KCNT1: variants seen among roughly 807,000 people sequenced by gnomAD.
KCNT1 encodes the protein potassium sodium-activated channel subfamily T member 1, also known as potassium channel subfamily T member 1.
Under a neutral mutation model 147.8 loss-of-function variants are expected in KCNT1, and 78 were observed. The ratio of observed to expected loss-of-function variants is 0.53; its 90% CI spans 0.44 to 0.64. The LOEUF is 0.64. Among genes scored for constraint, KCNT1 ranks in the 30% least tolerant of loss-of-function variants. The probability of loss-of-function intolerance (pLI) is 0.00; values close to 1 mark genes in which losing one functional copy is unlikely to be tolerated. For missense variants in KCNT1, 1,419 were observed against 1,750.3 expected, an observed-to-expected ratio of 0.81 and a Z score of 3.38; for synonymous variants, 867 against 748.8, an observed-to-expected ratio of 1.16 and a Z score of -2.58.
chr9:135,759,466 G>A (rs932366146), intron 10 of KCNT1, among the ~76,000 whole-genome samples: 3 of 152,246 alleles, frequency 2.0e-5, no homozygotes, highest in Non-Finnish European at 2.9e-5. Flanking sequence ...GTCAGCCAGC[G>A]TCAGGCAGGA....
intron 20 of KCNT1, 54 bp from the exon 21 acceptor site, chr9:135,777,284 G>A: frequency 6.4e-7 from 1 of 1,571,292 alleles, no homozygotes; most frequent in South Asian, 1.2e-5. Flanking sequence ...GGCTCCAGTG[G>A]CCAGCAGGAA....
rs1006071912 is a variant in KCNT1, at chr9:135,714,489, T to A, written c.111-88T>A. 9.4e-5 allele frequency: 84 copies of A among 896,214 alleles called. No individual in the cohort carries two copies. The highest frequency in any genetic ancestry group is 1.5e-4 in the South Asian group (3 of 19,538). The allele number at this position is 896,214 out of a possible 1,614,324, so 55.5% of individuals were successfully genotyped here. A position where few individuals can be genotyped will look rare whatever the true frequency, so the allele number is the denominator to read the frequency against. ...GGGTCGCGGTGGCCGCGGGCTGCGCTGCGCGGGCCGGGCCTGGCGGGCCGG... is the reference window on the plus strand; with the variant it reads ...GGGTCGCGGTGGCCGCGGGCTGCGCAGCGCGGGCCGGGCCTGGCGGGCCGG... On this transcript the variant is annotated intron_variant, in intron 1 of 30. Transcript: ENST00000371757. The surrounding 1 kb of genome is among the most constrained non-coding windows in gnomAD (Gnocchi z 6.2).
At chr9:135,722,969 G>A (rs868181146) in intron 2 of KCNT1, among the ~76,000 whole-genome samples, 1 of 152,206 alleles carries the variant, frequency 6.6e-6, no homozygotes, top group African/African-American at 2.4e-5. Context: ...ATCCTCCGGG[G>A]GATTAAGTTG....
At chr9:135,780,459 G>C (rs930276523) in intron 24 of KCNT1, among the ~76,000 whole-genome samples, 2 of 152,242 alleles carry the variant, frequency 1.3e-5, no homozygotes, top group African/African-American at 2.4e-5. Flanking sequence ...ACCTGAACCC[G>C]ATGGAGAGTG....
In KCNT1 at chr9:135,756,864, G is replaced by A; in HGVS notation, c.541-9G>A. 6.2e-7 allele frequency: 1 copy of A among 1,613,128 alleles called. No individual in the cohort carries two copies. The highest frequency in any genetic ancestry group is 1.3e-5 in the African/African-American group (1 of 74,954). On this transcript the variant is annotated splice_polypyrimidine_tract_variant and intron_variant, in intron 6 of 30. Coordinates refer to ENST00000371757, the MANE Select transcript of KCNT1 (RefSeq NM_020822.3). The stretch of plus-strand genomic sequence containing the variant: ...TGCTCCAGAGCTCCTTCCCTTTCCT[G>A]ACTCCCAGGTCATCGTGGCCATAAT...
rs374499975 is a variant in KCNT1, at chr9:135,784,211, A to C, written c.2943+86A>C. On this transcript the variant is annotated intron_variant, in intron 25 of 30. Transcript: ENST00000371757. ...GCTCTTCAGCCTGGTCCCTGTTCTGAATGATAGGACTCCCTCTGAATGACC... is the reference window on the plus strand; with the variant it reads ...GCTCTTCAGCCTGGTCCCTGTTCTGCATGATAGGACTCCCTCTGAATGACC... 4.1e-5 allele frequency: 43 copies of C among 1,053,352 alleles called. No homozygotes were observed. In the East Asian group the frequency reaches 9.6e-4, roughly 23 times the overall value. The allele number at this position is 1,053,352 out of a possible 1,614,324, so 65.3% of individuals were successfully genotyped here.
chr9:135,785,749 G>A, intron 28 of KCNT1: 1 of 445,162 alleles, frequency 2.2e-6, no homozygotes, highest in Non-Finnish European at 4.1e-6. Context: ...ACGTTCCCCA[G>A]GTTCGGGGCC....
intron 2 of KCNT1, among the ~76,000 whole-genome samples, chr9:135,738,048 C>A (rs955936001): frequency 6.6e-6 from 1 of 152,162 alleles, no homozygotes; most frequent in Non-Finnish European, 1.5e-5. Context: ...AGCCAGCCCT[C>A]AAGGGGCAGG....
intron 2 of KCNT1, among the ~76,000 whole-genome samples, chr9:135,726,531 AGCGAG>A (rs887987310): frequency 1.7e-4 from 26 of 152,142 alleles, no homozygotes; most frequent in African/African-American, 5.8e-4. Context: ...GGGAGGGTAA[AGCGAG>A]GCACCCCAGG....
intron 2 of KCNT1, among the ~76,000 whole-genome samples, chr9:135,743,599 G>C (rs1209125067): frequency 6.6e-6 from 1 of 152,208 alleles, no homozygotes; most frequent in Non-Finnish European, 1.5e-5. Flanking sequence ...ACGGGTGTGA[G>C]ATAGAAGCCG....
intron 11 of KCNT1, among the ~76,000 whole-genome samples, chr9:135,760,656 G>A (rs1259701727): frequency 6.6e-6 from 1 of 152,160 alleles, no homozygotes; most frequent in Non-Finnish European, 1.5e-5. Flanking sequence ...AACAGCAGTG[G>A]GCGTGGCCCA....
At chr9:135,778,537 A>ACCCCT (rs1158296798) in intron 22 of KCNT1, 42 bp downstream of exon 22, 6 of 1,601,470 alleles carry the variant, frequency 3.7e-6, no homozygotes, top group South Asian at 2.2e-5. Context: ...CTCCACACCC[A>ACCCCT]CCCCTCCCCT....
At chr9:135,717,847 C>G (rs1055101373) in intron 2 of KCNT1, among the ~76,000 whole-genome samples, 2 of 152,222 alleles carry the variant, frequency 1.3e-5, no homozygotes, top group African/African-American at 2.4e-5. Flanking sequence ...CTTCCTCAAA[C>G]CTTCTTTGCC....
At chr9:135,744,056 G>A (rs911917587) in intron 2 of KCNT1, among the ~76,000 whole-genome samples, 17 of 152,116 alleles carry the variant, frequency 1.1e-4, no homozygotes, top group African/African-American at 3.9e-4. Context: ...GAGCCAGCCG[G>A]CACCCAGCCA....
chr9:135,753,063 T>C (rs1000618007), intron 4 of KCNT1, among the ~76,000 whole-genome samples: 5 of 108,898 alleles, frequency 4.6e-5, no homozygotes, highest in African/African-American at 1.8e-4. Context: ...AGTGGATGGA[T>C]AGAGGGATGG....
intron 2 of KCNT1, among the ~76,000 whole-genome samples, chr9:135,720,853 G>A (rs149763840): frequency 3.3e-5 from 5 of 152,330 alleles, no homozygotes; most frequent in Admixed American, 2.0e-4. Context: ...GCTGGGCTGC[G>A]CCTGCACCAC....
At chr9:135,717,424 C>T (rs917333382) in intron 2 of KCNT1, among the ~76,000 whole-genome samples, 20 of 152,110 alleles carry the variant, frequency 1.3e-4, no homozygotes, top group African/African-American at 4.8e-4. Flanking sequence ...TGGCCTTGGG[C>T]ACCCCGAGAT....
intron 2 of KCNT1, among the ~76,000 whole-genome samples, chr9:135,735,595 T>C (rs546184507): frequency 9.2e-5 from 14 of 151,970 alleles, no homozygotes; most frequent in Non-Finnish European, 2.1e-4. Flanking sequence ...TGGTGTGAGT[T>C]TGGGGCGGGC....
intron 28 of KCNT1, 195 bp from the exon 29 acceptor site, chr9:135,786,002 G>A (rs1373833292): frequency 8.4e-6 from 5 of 598,418 alleles, no homozygotes; most frequent in Admixed American, 3.1e-5. Flanking sequence ...GAGGAAACCA[G>A]GCACATTCTT....
Sources: allele counts gnomAD v4.1 joint callset (sites outside exome capture counted in the v4.1 genomes callset), GRCh38; gene constraint gnomAD v4.1.1; non-coding constraint Gnocchi (gnomAD v3.1); transcripts MANE v1.5; gene names NCBI Gene and HGNC (gene_info 2026-07-23, HGNC 2026-07-21).